The following KPNA2 variants were observed in gnomAD, a reference collection of about 807,000 sequenced individuals.
KPNA2 encodes karyopherin subunit alpha 2, also known as importin subunit alpha-1.
Under a neutral mutation model 53.7 loss-of-function variants are expected in KPNA2, and 20 were observed. The ratio of observed to expected loss-of-function variants is 0.37; its 90% CI spans 0.26 to 0.54. The LOEUF (loss-of-function observed/expected upper bound fraction) is 0.54, where lower values mean the gene tolerates loss of function less well. Among genes scored for constraint, KPNA2 ranks in the 20% least tolerant of loss-of-function variants. The pLI, the probability that KPNA2 is intolerant of heterozygous loss-of-function variation, is 0.83. For missense variants in KPNA2, 515 were observed against 640.3 expected (o/e 0.80, Z 2.11); for synonymous variants, 238 against 227.5 (o/e 1.05, Z -0.42).
intron 10 of KPNA2, 51 bp from the exon 11 acceptor site, chr17:68,046,453 T>C: frequency 1.7e-6 from 2 of 1,151,810 alleles, no homozygotes; most frequent in East Asian, 4.9e-5. Flanking sequence ...GGTAGGCTGC[T>C]GCTTGGAATA....
chr17:68,045,754 GA>G lies in KPNA2; in HGVS notation c.1348-17del. 1.4e-6 allele frequency: 2 copies of G among 1,454,930 alleles called. No individual in the cohort carries two copies. Among genetic ancestry groups the G allele is most frequent in the Non-Finnish European group, 1.8e-6 (2 of 1,083,800 alleles). The allele number at this position is 1,454,930 out of a possible 1,614,324, so 90.1% of individuals were successfully genotyped here. On this transcript the variant is annotated splice_polypyrimidine_tract_variant and intron_variant, in intron 9 of 10. Transcript: ENST00000330459. ...ACCAGAGTATATGCCAGTAAACTTG[GA>G]TTTTTTTTTTTTTTAGGCTGCTGAG...
Position 68,040,660 on chromosome 17 carries a change from C to A in KPNA2, c.214-18C>A, listed in dbSNP as rs377567775. 4.2e-5 allele frequency: 65 copies of A among 1,550,054 alleles called. No individual in the cohort carries two copies. The African/African-American group carries it at 8.2e-4, about 19-fold the overall frequency. On this transcript the variant is annotated intron_variant, in intron 3 of 10. Coordinates refer to ENST00000330459, the MANE Select transcript of KPNA2 (RefSeq NM_002266.4). The stretch of plus-strand genomic sequence containing the variant: ...TTTAATCTTAATGATAATGTGCAAA[C>A]TTTCACTTTTCTTCTAGGGCACTGT...
chr17:68,046,025 T>C (rs1430693777), intron 10 of KPNA2, 104 bp downstream of exon 10: 2 of 721,720 alleles, frequency 2.8e-6, no homozygotes, highest in Non-Finnish European at 4.3e-6. Flanking sequence ...TTGTTAAATA[T>C]AGTAAAATAT....
chr17:68,044,038 A>G lies in KPNA2; in HGVS notation c.1131A>G (p.Gly377=). The change falls in exon 8 of 11, where the codon GGA becomes GGG. Residue 377 remains glycine (G), a synonymous_variant. Transcript: ENST00000330459. The part of the protein sequence containing the change: ...QDQIQQVVNH[G]LVPFLVSVLS... ...AGATACAGCAAGTTGTGAATCATGG[A>G]TTAGTCCCATTCCTTGTCAGTGTTC... 1 of 1,613,806 alleles carries G rather than the reference A, an allele frequency of 6.2e-7. No individual in the cohort carries two copies. The highest frequency in any genetic ancestry group is 8.5e-7 in the Non-Finnish European group (1 of 1,179,716).
intron 7 of KPNA2, 52 bp from the exon 8 acceptor site, chr17:68,043,786 C>A: frequency 8.4e-7 from 1 of 1,187,684 alleles, no homozygotes; most frequent in South Asian, 1.3e-5. Flanking sequence ...TATAGAATTT[C>A]TAAAGTGCTG....
intron 9 of KPNA2, 25 bp from the exon 10 acceptor site, chr17:68,045,747 A>G (rs1555705309): frequency 6.6e-7 from 1 of 1,504,552 alleles, no homozygotes; most frequent in Non-Finnish European, 8.9e-7. Flanking sequence ...ATATGCCAGT[A>G]AACTTGGATT....
chr17:68,045,707 A>G, intron 9 of KPNA2, 65 bp from the exon 10 acceptor site: 2 of 1,186,966 alleles, frequency 1.7e-6, no homozygotes, highest in African/African-American at 3.0e-5. Context: ...CAAATTATTG[A>G]TGTTTTCTTC....
chr17:68,037,599 T>G, intron 3 of KPNA2, 104 bp downstream of exon 3: 1 of 1,116,530 alleles, frequency 9.0e-7, no homozygotes, highest in Non-Finnish European at 1.3e-6. Flanking sequence ...CTTAACGGTT[T>G]TAACTATCTG....
At chr17:68,037,803 T>C (rs1311852700) in intron 3 of KPNA2, among the ~76,000 whole-genome samples, 2 of 151,730 alleles carry the variant, frequency 1.3e-5, no homozygotes, top group Non-Finnish European at 2.9e-5. Flanking sequence ...TTTCTTCTTT[T>C]TTTTTTTTTT....
chr17:68,039,373 G>A (rs987679180), intron 3 of KPNA2, among the ~76,000 whole-genome samples: 4 of 151,340 alleles, frequency 2.6e-5, no homozygotes, highest in Non-Finnish European at 5.9e-5. Context: ...CACCCGCCTC[G>A]GCCTCCCAAA....
chr17:68,037,864 A>G (rs889538121), intron 3 of KPNA2, among the ~76,000 whole-genome samples: 4 of 150,834 alleles, frequency 2.7e-5, no homozygotes. Context: ...GCAGCAGCAC[A>G]ATCGGCTCAC....
At position 68,043,234 on chromosome 17, in the gene KPNA2, A is replaced by G. The variant is rs4638; in HGVS notation, c.801A>G (p.Val267=). ...TCCTGCATCATGATGATCCAGAAGT[A>G]TTAGCAGATACCTGCTGGGCTATTT... ...VRLLHHDDPE[V]LADTCWAISY... is the part of the protein sequence containing the mutation. Residue 267 remains valine, a synonymous_variant, in exon 7 of 11, where the codon GTA becomes GTG. Transcript: ENST00000330459. 0.7 allele frequency: 1,136,383 copies of G among 1,613,726 alleles called. 409,002 individuals carry two copies. Among genetic ancestry groups the G allele is most frequent in the Non-Finnish European group, 0.75 (879,154 of 1,179,792 alleles).
rs144520730 is a variant in KPNA2 at position 68,044,726 on chromosome 17, T to C, written c.1347+223T>C. Among the ~76,000 whole-genome samples the C allele has an allele frequency of 9.0e-3, 1,367 of 152,324 alleles. 18 individuals carry two copies. Among genetic ancestry groups the C allele is most frequent in the African/African-American group, 0.032 (1,314 of 41,572 alleles). ...GTGACCTGAATCGGAGTCAGGCGCT[T>C]ATGTGGACTCATCACACCTGTTTAC... On this transcript the variant is annotated intron_variant, in intron 9 of 10. Transcript: ENST00000330459.
rs562313657 is a variant in KPNA2, at chr17:68,040,669, T to C, written c.214-9T>C. The C allele has an allele frequency of 1.9e-6, 3 of 1,590,518 alleles. No homozygotes were observed. The highest frequency in any genetic ancestry group is 3.4e-5 in the Admixed American group (2 of 58,978). ...AATGATAATGTGCAAACTTTCACTT[T>C]TCTTCTAGGGCACTGTAAATTGGTC... On this transcript the variant is annotated splice_polypyrimidine_tract_variant and intron_variant, in intron 3 of 10. Transcript: ENST00000330459.
chr17:68,042,964 GCT>G lies in KPNA2; in HGVS notation c.635_636del (p.Leu212ProfsTer5). On this transcript the variant is annotated frameshift_variant, in exon 6 of 11. Transcript: ENST00000330459. LOFTEE classifies it high-confidence loss of function. ...GTACGGTGCAGTTGACCCACTGTTG[GCT>G]CTCCTTGCAGTTCCTGATATGTCAT... Reference protein sequence around the residue: ...IKYGAVDPLLALLAVPDMSSL... With the variant: ...IKYGAVDPLLXLLAVPDMSSL... 1 of 1,613,670 alleles carries G rather than the reference GCT, an allele frequency of 6.2e-7. No individual in the cohort carries two copies. The highest frequency in any genetic ancestry group is 8.5e-7 in the Non-Finnish European group (1 of 1,179,814).
chr17:68,039,198 G>A (rs1182255657), intron 3 of KPNA2, among the ~76,000 whole-genome samples: 3 of 151,838 alleles, frequency 2.0e-5, no homozygotes, highest in South Asian at 2.1e-4. Context: ...TTGGCTGACT[G>A]CAGCCTCCGT....
intron 3 of KPNA2, among the ~76,000 whole-genome samples, chr17:68,038,102 A>G (rs782096104): frequency 6.6e-6 from 1 of 151,950 alleles, no homozygotes; most frequent in Admixed American, 6.6e-5. Context: ...TCAGCCTCCT[A>G]AGTAGCTGGG....
chr17:68,040,632 G>T, intron 3 of KPNA2, 46 bp from the exon 4 acceptor site: 1 of 1,269,358 alleles, frequency 7.9e-7, no homozygotes, highest in South Asian at 1.2e-5. Context: ...TTTATTGTTT[G>T]TATTTAATCT....
intron 3 of KPNA2, among the ~76,000 whole-genome samples, chr17:68,039,511 T>G (rs2071229198): frequency 6.6e-6 from 1 of 151,702 alleles, no homozygotes; most frequent in Non-Finnish European, 1.5e-5. Flanking sequence ...CCGGGTGTGG[T>G]GGCTCACACC....
Sources: allele counts gnomAD v4.1 joint callset (sites outside exome capture counted in the v4.1 genomes callset), GRCh38; gene constraint gnomAD v4.1.1; transcripts MANE v1.5; gene names NCBI Gene and HGNC (gene_info 2026-07-23, HGNC 2026-07-21).